The following MTTP variants were observed in gnomAD, a reference collection of about 807,000 sequenced individuals.
MTTP encodes microsomal triglyceride transfer protein, also known as microsomal triglyceride transfer protein large subunit.
In MTTP, 49 loss-of-function variants were observed where a neutral mutation model predicts 90.6. That is an observed-to-expected ratio of 0.54 (90% CI 0.43 to 0.69). MTTP has a LOEUF of 0.69. Ranked by LOEUF, MTTP falls within the 30% of genes least tolerant of loss-of-function variation. The pLI, the probability that MTTP is intolerant of heterozygous loss-of-function variation, is 0.00. For synonymous variants in MTTP, 347 were observed against 384.2 expected (o/e 0.90, Z 1.13); for missense variants, 945 against 1,067.5 (o/e 0.89, Z 1.60).
chr4:99,620,991 T>G, intron 16 of MTTP, 70 bp from the exon 17 acceptor site: 2 of 1,431,568 alleles, frequency 1.4e-6, no homozygotes, highest in African/African-American at 1.4e-5. Context: ...CCCTGTAAAG[T>G]TACAGCTGTT....
At chr4:99,589,022 C>T (rs1725339130) in intron 3 of MTTP, among the ~76,000 whole-genome samples, 1 of 121,100 alleles carries the variant, frequency 8.3e-6, no homozygotes, top group Non-Finnish European at 1.7e-5. Context: ...TATATATGTT[C>T]ATATATATAC....
intron 6 of MTTP, among the ~76,000 whole-genome samples, chr4:99,593,987 T>C (rs28379462): frequency 2.6e-5 from 4 of 152,152 alleles, no homozygotes; most frequent in Non-Finnish European, 4.4e-5. Context: ...AGTCAAACTA[T>C]TCAAAGGTGG....
rs535732619 is a variant in MTTP at position 99,607,833 on chromosome 4, G to GT, written c.1557+874dup. Reference sequence around the variant, plus strand: ...GAAGTGCCAGGTAGATTTATTGAATGTAAGAGATGTACCACTGAGGGCATT... The same window carrying GT: ...GAAGTGCCAGGTAGATTTATTGAATGTTAAGAGATGTACCACTGAGGGCATT... On this transcript the variant is annotated intron_variant, in intron 11 of 17. Coordinates refer to ENST00000265517, the MANE Select transcript of MTTP (RefSeq NM_001386140.1). Among the ~76,000 whole-genome samples the GT allele has an allele frequency of 1.5e-3, 231 of 152,268 alleles. 1 individual carries two copies. The highest frequency in any genetic ancestry group is 5.4e-3 in the African/African-American group (223 of 41,552).
rs1176830535 is a variant in MTTP, at chr4:99,577,616, AAAAAAAG to A, written c.61+2650_61+2656del. Among the ~76,000 whole-genome samples, 7 of 147,652 alleles carry A rather than the reference AAAAAAAG, an allele frequency of 4.7e-5. No homozygotes were observed. The South Asian group carries it at 1.1e-3, about 24-fold the overall frequency. ...GCGAAACTCTGTTTCAAAAAAAAAA[AAAAAAAG>A]AAAGAAAAGAAAGAAAGGAAGGAAG... On this transcript the variant is annotated intron_variant, in intron 1 of 17. Transcript: ENST00000265517.
chr4:99,582,937 C>T (rs963243808), intron 2 of MTTP, among the ~76,000 whole-genome samples: 5 of 152,106 alleles, frequency 3.3e-5, no homozygotes, highest in African/African-American at 1.2e-4. Flanking sequence ...GTAAACTGTT[C>T]TCCAGAAAAC....
intron 1 of MTTP, among the ~76,000 whole-genome samples, chr4:99,579,477 G>T (rs1027586050): frequency 1.3e-5 from 2 of 152,146 alleles, no homozygotes; most frequent in Non-Finnish European, 2.9e-5. Context: ...GGAGTTGGGG[G>T]AGGGGGATGC....
In MTTP at chr4:99,591,342, C is replaced by A; in HGVS notation, c.609C>A (p.Thr203=). ...SCKIARSGFT[T]PNQVLGVSSK... ...AAATAGCGAGGTCTGGATTTACGACCCCAAATCAGGTATGATAGATGTCAC... is the reference window on the plus strand; with the variant it reads ...AAATAGCGAGGTCTGGATTTACGACACCAAATCAGGTATGATAGATGTCAC... The change falls in exon 5 of 18, where the codon ACC becomes ACA. Residue 203 remains threonine (T), a synonymous_variant. Coordinates refer to ENST00000265517, the MANE Select transcript of MTTP (RefSeq NM_001386140.1). 1 of 1,607,172 alleles carries A rather than the reference C, an allele frequency of 6.2e-7. No homozygotes were observed. Among genetic ancestry groups the A allele is most frequent in the Non-Finnish European group, 8.5e-7 (1 of 1,173,906 alleles).
intron 1 of MTTP, chr4:99,564,452 A>G: frequency 2.0e-6 from 1 of 510,128 alleles, no homozygotes; most frequent in Middle Eastern, 5.2e-4. Context: ...AATAAAATGC[A>G]TTTAAATTTA....
chr4:99,575,124 C>T (rs1235379870), intron 1 of MTTP, among the ~76,000 whole-genome samples, 154 bp downstream of exon 1: 1 of 152,164 alleles, frequency 6.6e-6, no homozygotes, highest in Non-Finnish European at 1.5e-5. Context: ...TTTGTGAAAG[C>T]ATGGCTGAGT....
At chr4:99,598,742 C>A (rs1318161906) in intron 8 of MTTP, among the ~76,000 whole-genome samples, 1 of 147,702 alleles carries the variant, frequency 6.8e-6, no homozygotes, top group Non-Finnish European at 1.5e-5. Flanking sequence ...TGGCTCACCA[C>A]AACCTCCACC....
At chr4:99,587,839 G>A (rs553367649) in intron 3 of MTTP, among the ~76,000 whole-genome samples, 1 of 152,118 alleles carries the variant, frequency 6.6e-6, no homozygotes. Flanking sequence ...ATTACACTGT[G>A]ATTATTAGAG....
At chr4:99,590,372 G>C (rs1226745689) in intron 4 of MTTP, among the ~76,000 whole-genome samples, 1 of 152,174 alleles carries the variant, frequency 6.6e-6, no homozygotes, top group Non-Finnish European at 1.5e-5. Flanking sequence ...TTACAAGCAT[G>C]AGCCACCGCG....
chr4:99,613,047 C>A lies in MTTP; in HGVS notation c.2124C>A (p.Asn708Lys), dbSNP rs768562163. The A allele has an allele frequency of 6.2e-7, 1 of 1,614,058 alleles. No individual in the cohort carries two copies. The highest frequency in any genetic ancestry group is 1.1e-5 in the South Asian group (1 of 91,080). ...AGCTCAGACCTGTCACCTTTTTCAA[C>A]GGATACAGTGATTTGATGTCCAAAA... ...DVQLRPVTFF[N>K]GYSDLMSKML... The change falls in exon 15 of 18, where the codon AAC (asparagine) becomes AAA (lysine). Residue 708 changes from asparagine to lysine, a missense_variant. Transcript: ENST00000265517.
chr4:99,599,744 T>C (rs533729016), intron 8 of MTTP, among the ~76,000 whole-genome samples: 20 of 152,204 alleles, frequency 1.3e-4, no homozygotes, highest in Admixed American at 5.2e-4. Flanking sequence ...AAGTATTATG[T>C]CTTCTAGTTA....
chr4:99,591,475 T>C, intron 5 of MTTP, 124 bp downstream of exon 5: 1 of 1,127,352 alleles, frequency 8.9e-7, no homozygotes. Context: ...TAGTTTAGGC[T>C]ACAAATTCAC....
chr4:99,574,549 A>G (rs1724907043), upstream of MTTP, among the ~76,000 whole-genome samples: 1 of 152,226 alleles, frequency 6.6e-6, no homozygotes, highest in South Asian at 2.1e-4. Flanking sequence ...AGCAGAAAGA[A>G]GTATCACCAC....
At chr4:99,564,196 T>C (rs1442411860) in exon 1 of MTTP, 13 of 1,535,614 alleles carry the variant, frequency 8.5e-6, no homozygotes, top group Non-Finnish European at 1.1e-5. Flanking sequence ...CGTTCAAGAA[T>C]TAAGTGTGTA....
chr4:99,622,445 T>G (rs1286118999), intron 17 of MTTP, among the ~76,000 whole-genome samples: 1 of 152,180 alleles, frequency 6.6e-6, no homozygotes, highest in Non-Finnish European at 1.5e-5. Context: ...AGTCTTTCAT[T>G]CTAGAAAAAT....
intron 8 of MTTP, among the ~76,000 whole-genome samples, chr4:99,598,782 G>A (rs1246346968): frequency 6.8e-6 from 1 of 147,784 alleles, no homozygotes; most frequent in African/African-American, 2.5e-5. Flanking sequence ...TCCTGCCTCA[G>A]CCTCCCGAAT....
Sources: allele counts gnomAD v4.1 joint callset (sites outside exome capture counted in the v4.1 genomes callset), GRCh38; gene constraint gnomAD v4.1.1; transcripts MANE v1.5; gene names NCBI Gene and HGNC (gene_info 2026-07-23, HGNC 2026-07-21).